The following RUBCN variants were observed in gnomAD, a reference collection of about 807,000 sequenced individuals.
RUBCN encodes the protein rubicon autophagy regulator.
RUBCN carries 74 observed loss-of-function variants against 113.2 expected under a neutral mutation model. The observed-to-expected ratio is 0.65, with a 90% confidence interval of 0.54 to 0.79. RUBCN has a LOEUF of 0.79. Ranked by LOEUF, RUBCN falls within the 30% of genes least tolerant of loss-of-function variation. The pLI, the probability that RUBCN is intolerant of heterozygous loss-of-function variation, is 0.00. For synonymous variants in RUBCN, 480 were observed against 490.0 expected, an observed-to-expected ratio of 0.98 and a Z score of 0.27; for missense variants, 1,109 against 1,251.7, an observed-to-expected ratio of 0.89 and a Z score of 1.72.
intron 1 of RUBCN, among the ~76,000 whole-genome samples, chr3:197,731,913 G>A (rs893654400): frequency 6.6e-6 from 1 of 152,252 alleles, no homozygotes; most frequent in African/African-American, 2.4e-5. Context: ...GAAATGGAGA[G>A]AAAAAGAAGG....
chr3:197,677,654 C>A (rs1362966802), intron 16 of RUBCN, 113 bp from the exon 17 acceptor site: 1 of 905,458 alleles, frequency 1.1e-6, no homozygotes, highest in Non-Finnish European at 1.8e-6. Context: ...GCATGCTGCA[C>A]CCAGAGCAGA....
rs78300167 is a variant in RUBCN at position 197,670,685 on chromosome 3, T to C, written c.*4333A>G. On this transcript the variant is annotated 3_prime_UTR_variant, in exon 20 of 20. Coordinates refer to ENST00000296343, the MANE Select transcript of RUBCN (RefSeq NM_014687.4). ...AGTCTTTCACATGGCTTTTTCATTC[T>C]CCTCTCAGTTTAATTTGTAAATATG... Among the ~76,000 whole-genome samples, 551 of 152,366 alleles carry C rather than the reference T, an allele frequency of 3.6e-3. 25 individuals are homozygous for C. The East Asian group carries it at 0.093, about 26-fold the overall frequency.
chr3:197,717,160 T>C (rs531806746), intron 2 of RUBCN, among the ~76,000 whole-genome samples: 317 of 147,902 alleles, frequency 2.1e-3, no homozygotes, highest in Non-Finnish European at 3.0e-3. Context: ...GAGAGCTGGG[T>C]GCGGTGGCTC....
At chr3:197,710,961 G>A (rs893700653) in intron 2 of RUBCN, among the ~76,000 whole-genome samples, 2 of 152,132 alleles carry the variant, frequency 1.3e-5, no homozygotes, top group South Asian at 2.1e-4. Context: ...AAGCAGCTGG[G>A]ACTACAGGCA....
chr3:197,741,900 C>T (rs527598502), upstream of RUBCN, among the ~76,000 whole-genome samples: 10 of 151,886 alleles, frequency 6.6e-5, no homozygotes, highest in South Asian at 1.5e-3. Context: ...AAAATGTGTG[C>T]TTTTTCTTTT....
At chr3:197,732,281 C>T (rs936755162) in intron 1 of RUBCN, among the ~76,000 whole-genome samples, 5 of 152,166 alleles carry the variant, frequency 3.3e-5, no homozygotes, top group Non-Finnish European at 5.9e-5. Context: ...AGAGCAATGC[C>T]AGAAAGACCA....
Position 197,714,303 on chromosome 3 carries a change from C to T in RUBCN, c.219+3674G>A, listed in dbSNP as rs1016938535. Among the ~76,000 whole-genome samples the T allele has an allele frequency of 5.3e-5, 8 of 152,276 alleles. No individual in the cohort carries two copies. The East Asian group carries it at 7.7e-4, about 15-fold the overall frequency. ...AGTCTATGATACAATGTTGCCTCCTCAGTCCTAGGATGGTGCTTTTTGCTG... is the reference window on the plus strand; with the variant it reads ...AGTCTATGATACAATGTTGCCTCCTTAGTCCTAGGATGGTGCTTTTTGCTG... On this transcript the variant is annotated intron_variant, in intron 2 of 19. Coordinates refer to ENST00000296343, the MANE Select transcript of RUBCN (RefSeq NM_014687.4).
At chr3:197,690,463 TTTG>T (rs370969110) in intron 11 of RUBCN, among the ~76,000 whole-genome samples, 1 of 152,072 alleles carries the variant, frequency 6.6e-6, no homozygotes, top group African/African-American at 2.4e-5. Context: ...AGTTCTGAGT[TTTG>T]TTGTTGTTTT....
At chr3:197,685,410 G>C (rs1482622104) in intron 11 of RUBCN, among the ~76,000 whole-genome samples, 1 of 151,952 alleles carries the variant, frequency 6.6e-6, no homozygotes, top group Non-Finnish European at 1.5e-5. Flanking sequence ...CTGTGCACTG[G>C]GCTGTGAGCA....
chr3:197,697,087 G>GA lies in RUBCN; in HGVS notation c.1262-39dup, dbSNP rs1417226935. 3 of 1,013,718 alleles carry GA rather than the reference G, an allele frequency of 3.0e-6. No individual in the cohort carries two copies. In the Admixed American group the frequency reaches 5.1e-5, roughly 17 times the overall value. The allele number at this position is 1,013,718 out of a possible 1,614,324, so 62.8% of individuals were successfully genotyped here. On this transcript the variant is annotated intron_variant, in intron 7 of 19. Transcript: ENST00000296343. ...ACCACCAGCGAGTAAAAACACATAC[G>GA]AAATGAGCAACAGGTACATTCCCAA...
In RUBCN at chr3:197,683,500, C is replaced by G. The variant is rs1383026785; in HGVS notation, c.1848-61G>C. 13 of 1,598,550 alleles carry G rather than the reference C, an allele frequency of 8.1e-6. No homozygotes were observed. In the East Asian group the frequency reaches 2.9e-4, roughly 36 times the overall value. ...GGAAAGGATGGGCGATGCGAGGCTT[C>G]CCTTCATGATCTCATCCCCCACGCA... On this transcript the variant is annotated intron_variant, in intron 12 of 19. Transcript: ENST00000296343. The surrounding 1 kb of genome is among the most constrained non-coding windows in gnomAD (Gnocchi z 4.6).
At chr3:197,724,644 G>C (rs1726541817) in intron 1 of RUBCN, among the ~76,000 whole-genome samples, 1 of 152,186 alleles carries the variant, frequency 6.6e-6, no homozygotes, top group South Asian at 2.1e-4. Flanking sequence ...CAAAGTGGAG[G>C]AAGAAAGATG....
chr3:197,741,558 C>T (rs1728524798), upstream of RUBCN, among the ~76,000 whole-genome samples: 3 of 152,160 alleles, frequency 2.0e-5, no homozygotes, highest in Admixed American at 2.0e-4. Context: ...TGGCTGGGCA[C>T]AGTGGCTCAT....
At position 197,682,549 on chromosome 3, in the gene RUBCN, G is replaced by T; in HGVS notation, c.2047C>A (p.Leu683Met). The T allele has an allele frequency of 6.2e-7, 1 of 1,614,174 alleles. No homozygotes were observed. Among genetic ancestry groups the T allele is most frequent in the Non-Finnish European group, 8.5e-7 (1 of 1,180,038 alleles). ...AAGTTGCCACGAACACGAATCCGCA[G>T]CTTGTAGATGTCAGCGTGCTGCCCG... Reference protein sequence around the residue: ...DDGQHADIYKLRIRVRGNLEW... With the variant: ...DDGQHADIYKMRIRVRGNLEW... Residue 683 changes from leucine (L) to methionine (M), a missense_variant, in exon 14 of 20, where the codon CTG (leucine) becomes ATG (methionine). Around this residue, in one of 3 missense-constraint regions of RUBCN, gnomAD observed 67 missense variants for 123.2 expected, o/e 0.54. Coordinates refer to ENST00000296343, the MANE Select transcript of RUBCN (RefSeq NM_014687.4).
intron 7 of RUBCN, among the ~76,000 whole-genome samples, chr3:197,697,606 C>A (rs1019000845): frequency 6.6e-6 from 1 of 152,150 alleles, no homozygotes; most frequent in Non-Finnish European, 1.5e-5. Context: ...GGGCTCGGCC[C>A]GGCCTTACTG....
rs1057244053 is a variant in RUBCN at position 197,697,045 on chromosome 3, G to C, written c.1266C>G (p.Ser422=). Residue 422 remains serine (S), a synonymous_variant, in exon 8 of 20, where the codon TCC becomes TCG. Transcript: ENST00000296343. ...TSIASRGAPE[S]CNDKAKLRGP... is the part of the protein sequence containing the mutation. ...CTCTCAACTTCGCCTTATCATTGCA[G>C]GATTCTAATGACGATGACCACCAGC... is the stretch of plus-strand genomic sequence containing the variant. 3 of 1,556,892 alleles carry C rather than the reference G, an allele frequency of 1.9e-6. No homozygotes were observed. Among genetic ancestry groups the C allele is most frequent in the Admixed American group, 3.3e-5 (2 of 59,914 alleles).
chr3:197,717,046 G>A (rs1203813646), intron 2 of RUBCN, among the ~76,000 whole-genome samples: 3 of 152,144 alleles, frequency 2.0e-5, no homozygotes, highest in African/African-American at 2.4e-5. Flanking sequence ...GCTTGAACCC[G>A]GGAGGTCGAG....
intron 1 of RUBCN, among the ~76,000 whole-genome samples, chr3:197,743,394 C>A (rs1317366177): frequency 6.6e-6 from 1 of 152,196 alleles, no homozygotes; most frequent in Non-Finnish European, 1.5e-5. Flanking sequence ...TATCCCCAGC[C>A]TCTAGCACAG....
chr3:197,701,326 G>C (rs1364166150), intron 6 of RUBCN, among the ~76,000 whole-genome samples, 180 bp from the exon 7 acceptor site: 1 of 152,172 alleles, frequency 6.6e-6, no homozygotes, highest in African/African-American at 2.4e-5. Context: ...GTGCTTTATT[G>C]CTTATTAGTA....
Sources: gnomAD v4.1 joint callset for allele counts (sites outside exome capture counted in the v4.1 genomes callset) on GRCh38, gnomAD v4.1.1 for gene constraint, gnomAD v4.1.1 regional missense constraint, Gnocchi (gnomAD v3.1) non-coding constraint, MANE v1.5 for transcripts, NCBI Gene and HGNC (gene_info 2026-07-23, HGNC 2026-07-21) for gene names.